EFCAB5: variants seen among roughly 807,000 people sequenced by gnomAD.
EFCAB5 encodes the protein EF-hand calcium binding domain 5, also known as EF-hand calcium-binding domain-containing protein 5.
In EFCAB5, 131 loss-of-function variants were observed where a neutral mutation model predicts 167.9. The observed-to-expected ratio is 0.78, with a 90% CI of 0.68 to 0.90. The LOEUF (loss-of-function observed/expected upper bound fraction) is 0.90, where lower values mean the gene tolerates loss of function less well. Ranked by LOEUF, EFCAB5 falls within the 40% of genes least tolerant of loss-of-function variation. EFCAB5 has a pLI of 0.00. For missense variants in EFCAB5, 1,663 were observed against 1,745.2 expected, an observed-to-expected ratio of 0.95 and a Z score of 0.84; for synonymous variants, 574 against 602.8, an observed-to-expected ratio of 0.95 and a Z score of 0.70.
intron 1 of EFCAB5, among the ~76,000 whole-genome samples, chr17:29,930,640 A>G (rs1239172258): frequency 2.0e-5 from 3 of 152,052 alleles, no homozygotes; most frequent in African/African-American, 7.2e-5. Flanking sequence ...GGGCGCAGAC[A>G]GAACTGGGCT....
At chr17:30,103,206 A>G in intron 22 of EFCAB5, among the ~76,000 whole-genome samples, 1 of 148,386 alleles carries the variant, frequency 6.7e-6, no homozygotes, top group Middle Eastern at 3.6e-3. Flanking sequence ...TAAAATAAAT[A>G]ATTTATAAAT....
At chr17:30,087,263 GCTGA>G (rs2071108305) in intron 19 of EFCAB5, 97 bp downstream of exon 19, 1 of 901,216 alleles carries the variant, frequency 1.1e-6, no homozygotes, top group Non-Finnish European at 1.7e-6. Flanking sequence ...GCTCATACAC[GCTGA>G]CTTTTATTCT....
At chr17:30,050,001 G>C (rs886543884) in intron 8 of EFCAB5, among the ~76,000 whole-genome samples, 7 of 151,970 alleles carry the variant, frequency 4.6e-5, no homozygotes, top group African/African-American at 1.7e-4. Context: ...TAATTATGGT[G>C]TTTCCATATT....
At chr17:30,010,701 G>A (rs960920705) in intron 7 of EFCAB5, among the ~76,000 whole-genome samples, 23 of 152,224 alleles carry the variant, frequency 1.5e-4, no homozygotes, top group Middle Eastern at 6.8e-3. Flanking sequence ...GATTCTGGAT[G>A]TTAGCCCTTT....
chr17:30,056,040 A>G (rs777894131), intron 11 of EFCAB5, 24 bp from the exon 12 acceptor site: 30 of 1,612,762 alleles, frequency 1.9e-5, no homozygotes, highest in Non-Finnish European at 2.5e-5. Context: ...TTGATTGGCT[A>G]TGTTATGGAA....
At chr17:29,973,423 G>A (rs1312325240) in intron 4 of EFCAB5, among the ~76,000 whole-genome samples, 5 of 151,268 alleles carry the variant, frequency 3.3e-5, no homozygotes, top group Non-Finnish European at 7.4e-5. Flanking sequence ...ATTGACAGTT[G>A]CATATTAATG....
rs778504416 is a variant in EFCAB5 at position 30,082,973 on chromosome 17, G to A, written c.3509G>A (p.Gly1170Asp). The A allele has an allele frequency of 1.8e-5, 29 of 1,613,842 alleles. No homozygotes were observed. The highest frequency in any genetic ancestry group is 2.2e-5 in the East Asian group (1 of 44,888). Residue 1170 changes from glycine (G) to aspartate (D), a missense_variant, in exon 18 of 23, where the codon GGC becomes GAC. Physicochemically the swap from Gly to Asp is moderately conservative, Grantham distance 94. Coordinates refer to ENST00000394835, the MANE Select transcript of EFCAB5 (RefSeq NM_198529.4). Reference sequence around the variant, plus strand: ...CTGCATATTGTGATCACTGGCATAGGCTGGCTTTATGACGTCACATCCAGC... The same window carrying A: ...CTGCATATTGTGATCACTGGCATAGACTGGCTTTATGACGTCACATCCAGC... ...HILHIVITGI[G>D]WLYDVTSSIT...
At chr17:29,992,880 T>G (rs2068452894) in intron 4 of EFCAB5, among the ~76,000 whole-genome samples, 1 of 152,226 alleles carries the variant, frequency 6.6e-6, no homozygotes, top group South Asian at 2.1e-4. Flanking sequence ...TTTTCCACAA[T>G]GGTTGTACTA....
chr17:29,969,936 A>T (rs759932936), intron 4 of EFCAB5, among the ~76,000 whole-genome samples: 1 of 152,186 alleles, frequency 6.6e-6, no homozygotes, highest in Non-Finnish European at 1.5e-5. Context: ...CCTGCCATTT[A>T]TCTTTTTTCA....
chr17:30,094,318 G>A (rs542055121), intron 22 of EFCAB5, among the ~76,000 whole-genome samples: 42 of 152,044 alleles, frequency 2.8e-4, no homozygotes, highest in African/African-American at 9.4e-4. Flanking sequence ...AAACCTGCAT[G>A]TTGTGCACAT....
At chr17:29,972,712 A>T (rs531164369) in intron 4 of EFCAB5, 187 of 211,996 alleles carry the variant, frequency 8.8e-4, no homozygotes, top group African/African-American at 4.2e-3. Context: ...GCTGGTAGGG[A>T]TGAAGATCCT....
chr17:30,042,371 A>C (rs1297194641), intron 8 of EFCAB5, among the ~76,000 whole-genome samples: 1 of 152,164 alleles, frequency 6.6e-6, no homozygotes, highest in Non-Finnish European at 1.5e-5. Flanking sequence ...ACTTTATTGC[A>C]ATATTCATTT....
chr17:30,016,162 G>T (rs1175347488), intron 7 of EFCAB5, among the ~76,000 whole-genome samples: 1 of 152,040 alleles, frequency 6.6e-6, no homozygotes, highest in Non-Finnish European at 1.5e-5. Flanking sequence ...CTCCCATTCT[G>T]TGGGTTGTTT....
intron 5 of EFCAB5, among the ~76,000 whole-genome samples, chr17:29,995,108 A>G (rs914556967): frequency 2.6e-5 from 4 of 152,160 alleles, no homozygotes; most frequent in Non-Finnish European, 4.4e-5. Context: ...AGGCTGGCAC[A>G]AACTCATAGT....
intron 14 of EFCAB5, chr17:30,068,670 G>T: frequency 6.4e-7 from 1 of 1,558,316 alleles, no homozygotes; most frequent in Non-Finnish European, 8.7e-7. Context: ...CCAGCGTCAA[G>T]ACCGTGAAGA....
At chr17:29,966,723 TGCA>T (rs1369557993) in intron 3 of EFCAB5, among the ~76,000 whole-genome samples, 1 of 152,200 alleles carries the variant, frequency 6.6e-6, no homozygotes, top group African/African-American at 2.4e-5. Flanking sequence ...AGTCACTATA[TGCA>T]GTCCGCACTT....
chr17:29,980,008 A>G (rs1482915981), intron 4 of EFCAB5, among the ~76,000 whole-genome samples: 1 of 152,126 alleles, frequency 6.6e-6, no homozygotes, highest in Admixed American at 6.5e-5. Context: ...CATCTCTACT[A>G]AAAATACAAA....
rs558936907 is a variant in EFCAB5 at position 29,988,771 on chromosome 17, T to C, written c.768-4394T>C. Among the ~76,000 whole-genome samples the C allele has an allele frequency of 1.1e-4, 17 of 152,268 alleles. No individual in the cohort carries two copies. In the South Asian group the frequency reaches 2.7e-3, roughly 24 times the overall value. On this transcript the variant is annotated intron_variant, in intron 4 of 22. Coordinates refer to ENST00000394835, the MANE Select transcript of EFCAB5 (RefSeq NM_198529.4). ...ATCTGAGTTCTCCCATTTCCTATCA[T>C]AGTAGCAATTTGATCCAAAAAAGGA...
At chr17:30,067,088 T>A (rs573829405) in intron 14 of EFCAB5, among the ~76,000 whole-genome samples, 56 of 152,186 alleles carry the variant, frequency 3.7e-4, no homozygotes, top group Non-Finnish European at 7.6e-4. Context: ...TATTTAAAGA[T>A]TATCTGATAT....
Sources: allele counts gnomAD v4.1 joint callset (sites outside exome capture counted in the v4.1 genomes callset), GRCh38; gene constraint gnomAD v4.1.1; transcripts MANE v1.5; gene names NCBI Gene and HGNC (gene_info 2026-07-23, HGNC 2026-07-21).